FOXM1: variants seen among roughly 807,000 people sequenced by gnomAD.
The protein encoded by FOXM1 is forkhead box M1.
FOXM1 carries 25 observed loss-of-function variants against 63.6 expected under a neutral mutation model. The ratio of observed to expected loss-of-function variants is 0.39; its 90% CI spans 0.29 to 0.55. The LOEUF is 0.55. Among genes scored for constraint, FOXM1 ranks in the 20% least tolerant of loss-of-function variants. The pLI, the probability that FOXM1 is intolerant of heterozygous loss-of-function variation, is 0.60. For missense variants in FOXM1, 879 were observed against 958.7 expected (o/e 0.92, Z 1.10); for synonymous variants, 387 against 376.9 (o/e 1.03, Z -0.31).
intron 1 of FOXM1, among the ~76,000 whole-genome samples, chr12:2,875,700 G>C (rs909300483): frequency 8.6e-5 from 13 of 150,316 alleles, no homozygotes; most frequent in Non-Finnish European, 1.8e-4. Flanking sequence ...TTACACTAAG[G>C]TGGTTCTGAA....
rs2098094041 is a variant in FOXM1, at chr12:2,857,964, TC to T, written c.*673del. 6.6e-6 allele frequency: 1 copy of T among 152,548 alleles called. No individual in the cohort carries two copies. The highest frequency in any genetic ancestry group is 6.6e-5 in the Admixed American group (1 of 15,262). 9.4% of individuals were successfully genotyped at this position (152,548 alleles called of 1,614,324 possible). A position where few individuals can be genotyped will look rare whatever the true frequency, so the allele number is the denominator to read the frequency against. ...TCCATCCTCCCACCCCAAATTCAAC[TC>T]CTGACCCAATACAAAAGACTTTTTT... On this transcript the variant is annotated 3_prime_UTR_variant, in exon 9 of 9. Coordinates refer to ENST00000359843, the MANE Select transcript of FOXM1 (RefSeq NM_021953.4).
intron 2 of FOXM1, among the ~76,000 whole-genome samples, chr12:2,873,586 AT>A (rs111264091): frequency 2.1e-4 from 30 of 144,160 alleles, no homozygotes; most frequent in Admixed American, 2.1e-4. Context: ...TTTCATTTTT[AT>A]TTTTTTTTTT....
chr12:2,867,870 C>T lies in FOXM1; in HGVS notation c.846+693G>A, dbSNP rs187433237. Among the ~76,000 whole-genome samples, 56 of 149,358 alleles carry T rather than the reference C, an allele frequency of 3.7e-4. 1 individual carries two copies. Among genetic ancestry groups the T allele is most frequent in the Admixed American group, 3.3e-3 (48 of 14,746 alleles). ...GCGCATGCCTGTAGTCCCAGCTACT[C>T]GGGAGGCTGAGGCAGGAGAATCGCT... On this transcript the variant is annotated intron_variant, in intron 4 of 8. Transcript: ENST00000359843.
rs1158418793 is a variant in FOXM1 at position 2,874,986 on chromosome 12, TAA to T, written c.-47-463_-47-462del. ...ATAATCCATTCAAGACAAAGGATTT[TAA>T]TTTTTTTTTTTTTTTTTTTTTTGAG... On this transcript the variant is annotated intron_variant, in intron 1 of 8. Coordinates refer to ENST00000359843, the MANE Select transcript of FOXM1 (RefSeq NM_021953.4). This position sits in a 1 kb window ranked among gnomAD's most constrained non-coding sequence, Gnocchi z 4.3. Among the ~76,000 whole-genome samples, 1 of 147,344 alleles carries T rather than the reference TAA, an allele frequency of 6.8e-6. No homozygotes were observed. Among genetic ancestry groups the T allele is most frequent in the East Asian group, 2.0e-4 (1 of 4,916 alleles).
At chr12:2,875,332 G>C (rs1178608021) in intron 1 of FOXM1, among the ~76,000 whole-genome samples, 1 of 152,130 alleles carries the variant, frequency 6.6e-6, no homozygotes, top group African/African-American at 2.4e-5. Context: ...AATAGGACCA[G>C]TGCACACAGA....
rs867759051 is a variant in FOXM1, at chr12:2,859,444, C to T, written c.1486G>A (p.Glu496Lys). Residue 496 changes from glutamate to lysine, a missense_variant, in exon 9 of 9, where the codon GAG becomes AAG. Glu to Lys is a moderately conservative substitution (Grantham distance 56). This residue lies in a region of FOXM1 where 486 missense variants were observed against 453.5 expected (regional missense o/e 1.07). Coordinates refer to ENST00000359843, the MANE Select transcript of FOXM1 (RefSeq NM_021953.4). ...EWPSPAPSFK[E>K]ESSHSWEDSS... ...TCCTCCCAGGAGTGAGATGATTCCTCTTTGAAAGATGGGGCCGGGGAGGGC... is the reference window on the plus strand; with the variant it reads ...TCCTCCCAGGAGTGAGATGATTCCTTTTTGAAAGATGGGGCCGGGGAGGGC... The T allele has an allele frequency of 1.2e-6, 2 of 1,613,920 alleles. No individual in the cohort carries two copies. Among genetic ancestry groups the T allele is most frequent in the African/African-American group, 1.3e-5 (1 of 74,910 alleles).
Position 2,862,707 on chromosome 12 carries a change from A to T in FOXM1, c.1266+1613T>A, listed in dbSNP as rs369714104. The stretch of plus-strand genomic sequence containing the variant: ...GAAAATGCCTGGCTAATTAAAAAAA[A>T]ATTTTTTTTTTTTTGTTACAGACAG... On this transcript the variant is annotated intron_variant, in intron 8 of 8. Transcript: ENST00000359843. 2.4e-4 allele frequency among the ~76,000 whole-genome samples: 35 copies of T among 143,462 alleles called. 1 individual carries two copies. The highest frequency in any genetic ancestry group is 5.9e-4 in the African/African-American group (24 of 40,418). The allele number at this position is 143,462 out of a possible 152,430, so 94.1% of individuals were successfully genotyped here.
chr12:2,867,474 G>C (rs919143473), intron 4 of FOXM1, among the ~76,000 whole-genome samples: 2 of 152,026 alleles, frequency 1.3e-5, no homozygotes, highest in Non-Finnish European at 2.9e-5. Context: ...AGGAAAGTAA[G>C]CTGATGGAAG....
chr12:2,860,808 G>A (rs1371315595), intron 8 of FOXM1, among the ~76,000 whole-genome samples: 5 of 149,246 alleles, frequency 3.4e-5, no homozygotes, highest in African/African-American at 1.2e-4. Context: ...GGAGGCAGAG[G>A]TTGCCAAGAT....
intron 8 of FOXM1, among the ~76,000 whole-genome samples, chr12:2,861,117 G>A (rs1190049689): frequency 3.5e-5 from 5 of 144,030 alleles, no homozygotes; most frequent in Non-Finnish European, 7.5e-5. Context: ...GCAGTGAGCT[G>A]AGATCACGCC....
intron 5 of FOXM1, among the ~76,000 whole-genome samples, chr12:2,865,774 T>G (rs2098122173): frequency 6.7e-6 from 1 of 148,212 alleles, no homozygotes; most frequent in Non-Finnish European, 1.5e-5. Flanking sequence ...TGCCTCAGCC[T>G]CCCAAGTAGC....
intron 3 of FOXM1, among the ~76,000 whole-genome samples, chr12:2,869,087 C>T (rs923482762): frequency 4.6e-5 from 7 of 152,110 alleles, no homozygotes; most frequent in African/African-American, 7.2e-5. Context: ...AAACCACGCC[C>T]GTTTTTCAGA....
At chr12:2,861,683 A>G (rs2098113637) in intron 8 of FOXM1, among the ~76,000 whole-genome samples, 1 of 152,214 alleles carries the variant, frequency 6.6e-6, no homozygotes, top group African/African-American at 2.4e-5. Context: ...TGAAAGCACT[A>G]GTAAGAGAGA....
chr12:2,864,124 T>G lies in FOXM1; in HGVS notation c.1266+196A>C, dbSNP rs771915170. On this transcript the variant is annotated intron_variant, in intron 8 of 8. Coordinates refer to ENST00000359843, the MANE Select transcript of FOXM1 (RefSeq NM_021953.4). This position sits in a 1 kb window ranked among gnomAD's most constrained non-coding sequence, Gnocchi z 5.1. The stretch of plus-strand genomic sequence containing the variant: ...GCTCATCAGGTATTTATGGGCCTTC[T>G]GACACCACTTACATTGTAATCCAAA... 18 of 570,692 alleles carry G rather than the reference T, an allele frequency of 3.2e-5. No homozygotes were observed. Among genetic ancestry groups the G allele is most frequent in the Non-Finnish European group, 5.6e-5 (18 of 322,214 alleles). The allele number at this position is 570,692 out of a possible 1,614,324, so 35.4% of individuals were successfully genotyped here. A position where few individuals can be genotyped will look rare whatever the true frequency, so the allele number is the denominator to read the frequency against.
chr12:2,861,980 A>T (rs2098114363), intron 8 of FOXM1, among the ~76,000 whole-genome samples: 1 of 152,156 alleles, frequency 6.6e-6, no homozygotes, highest in Non-Finnish European at 1.5e-5. Flanking sequence ...GGAGCTCGAG[A>T]CCAGCCTGAC....
chr12:2,862,707 A>ATTTTTTTTTTTTTTTTTT (rs113254945), intron 8 of FOXM1, among the ~76,000 whole-genome samples: 1 of 143,350 alleles, frequency 7.0e-6, no homozygotes, highest in Non-Finnish European at 1.6e-5. Context: ...ATTAAAAAAA[A>ATTTTTTTTTTTTTTTTTT]ATTTTTTTTT....
chr12:2,864,262 A>C lies in FOXM1; in HGVS notation c.1266+58T>G. 1 of 1,470,410 alleles carries C rather than the reference A, an allele frequency of 6.8e-7. No individual in the cohort carries two copies. Among genetic ancestry groups the C allele is most frequent in the African/African-American group, 1.4e-5 (1 of 71,498 alleles). 91.1% of individuals were successfully genotyped at this position (1,470,410 alleles called of 1,614,324 possible). A position where few individuals can be genotyped will look rare whatever the true frequency, so the allele number is the denominator to read the frequency against. On this transcript the variant is annotated intron_variant, in intron 8 of 8. Coordinates refer to ENST00000359843, the MANE Select transcript of FOXM1 (RefSeq NM_021953.4). The surrounding 1 kb of genome is among the most constrained non-coding windows in gnomAD (Gnocchi z 5.1). ...ACTTATCAGAGTGCTTTGCAAGCTG[A>C]AGGTCCAACATTCTTAATTGGCCAG...
chr12:2,868,757 G>C lies in FOXM1; in HGVS notation c.655-3C>G. The C allele has an allele frequency of 6.2e-7, 1 of 1,609,234 alleles. No homozygotes were observed. Among genetic ancestry groups the C allele is most frequent in the Non-Finnish European group, 8.5e-7 (1 of 1,177,884 alleles). On this transcript the variant is annotated splice_region_variant and splice_polypyrimidine_tract_variant and intron_variant, in intron 3 of 8. Coordinates refer to ENST00000359843, the MANE Select transcript of FOXM1 (RefSeq NM_021953.4). Reference sequence around the variant, plus strand: ...GATGGTCTCGAAGGCTCCTCAACCTGAGGGTTATGACACAGGGAATGACAT... The same window carrying C: ...GATGGTCTCGAAGGCTCCTCAACCTCAGGGTTATGACACAGGGAATGACAT...
At position 2,857,972 on chromosome 12, in the gene FOXM1, C is replaced by T. The variant is rs2098094093; in HGVS notation, c.*666G>A. 1 of 152,684 alleles carries T rather than the reference C, an allele frequency of 6.5e-6. No homozygotes were observed. Among genetic ancestry groups the T allele is most frequent in the African/African-American group, 2.4e-5 (1 of 41,446 alleles). 9.5% of individuals were successfully genotyped at this position (152,684 alleles called of 1,614,324 possible). On this transcript the variant is annotated 3_prime_UTR_variant, in exon 9 of 9. Transcript: ENST00000359843. The stretch of plus-strand genomic sequence containing the variant: ...CCCACCCCAAATTCAACTCCTGACC[C>T]AATACAAAAGACTTTTTTAACCAGG...
Sources: allele counts gnomAD v4.1 joint callset (sites outside exome capture counted in the v4.1 genomes callset), GRCh38; gene constraint gnomAD v4.1.1; regional missense constraint gnomAD v4.1.1; non-coding constraint Gnocchi (gnomAD v3.1); transcripts MANE v1.5; gene names NCBI Gene and HGNC (gene_info 2026-07-23, HGNC 2026-07-21).